P4HA1: variants seen among roughly 807,000 people sequenced by gnomAD.
P4HA1 encodes prolyl 4-hydroxylase subunit alpha-1.
A neutral mutation model predicts 72.8 loss-of-function variants in P4HA1; 24 were observed. The ratio of observed to expected loss-of-function variants is 0.33; its 90% CI spans 0.24 to 0.46. The LOEUF (loss-of-function observed/expected upper bound fraction) is 0.46. Among genes scored for constraint, P4HA1 ranks in the 20% least tolerant of loss-of-function variants. The pLI, the probability that P4HA1 is intolerant of heterozygous loss-of-function variation, is 1.00. For missense variants in P4HA1, 446 were observed against 640.6 expected (o/e 0.70, Z 3.28); for synonymous variants, 201 against 218.8 (o/e 0.92, Z 0.72).
At chr10:73,008,615 ATACAGG>A (rs1320161731) in intron 14 of P4HA1, among the ~76,000 whole-genome samples, 2 of 152,188 alleles carry the variant, frequency 1.3e-5, no homozygotes, top group African/African-American at 4.8e-5. Flanking sequence ...TGGACCTAAG[ATACAGG>A]TACAGGTAAG....
chr10:73,048,413 G>A (rs971402600), intron 7 of P4HA1, among the ~76,000 whole-genome samples: 4 of 152,046 alleles, frequency 2.6e-5, no homozygotes, highest in African/African-American at 9.7e-5. Context: ...ACAGGCCCCT[G>A]CCACCATGCT....
rs201625349 is a variant in P4HA1, at chr10:73,010,957, A to G, written c.1437+12T>C. On this transcript the variant is annotated intron_variant, in intron 13 of 14. Coordinates refer to ENST00000394890, the MANE Select transcript of P4HA1 (RefSeq NM_001017962.3). ...AAAATTAATAAACCAAAAACAAAAC[A>G]AACAGGCTTACTTTTTTGGGCCAAA... The G allele has an allele frequency of 3.0e-5, 48 of 1,608,330 alleles. No individual in the cohort carries two copies. Among genetic ancestry groups the G allele is most frequent in the Non-Finnish European group, 5.1e-6 (6 of 1,175,282 alleles).
chr10:73,063,129 T>C (rs1841347817), intron 5 of P4HA1, among the ~76,000 whole-genome samples: 1 of 152,196 alleles, frequency 6.6e-6, no homozygotes, highest in Non-Finnish European at 1.5e-5. Context: ...AGTGCATTTA[T>C]GCTCCCATAA....
At chr10:73,054,153 G>A (rs537921667) in intron 5 of P4HA1, among the ~76,000 whole-genome samples, 7 of 152,176 alleles carry the variant, frequency 4.6e-5, no homozygotes, top group Admixed American at 2.6e-4. Context: ...TGATCCACCC[G>A]CCTTGGCCTC....
chr10:73,036,489 C>T (rs941916386), intron 9 of P4HA1, among the ~76,000 whole-genome samples: 15 of 151,978 alleles, frequency 9.9e-5, no homozygotes, highest in African/African-American at 2.4e-4. Context: ...TTCTACCTCC[C>T]GGGCTCAAGC....
chr10:73,014,334 A>G (rs956976719), intron 11 of P4HA1, 45 bp from the exon 12 acceptor site: 1 of 1,346,292 alleles, frequency 7.4e-7, no homozygotes, highest in African/African-American at 1.4e-5. Context: ...AAAATTCAGT[A>G]ATACAAATAC....
intron 1 of P4HA1, among the ~76,000 whole-genome samples, chr10:73,089,816 C>G (rs1048137458): frequency 6.6e-6 from 1 of 150,816 alleles, no homozygotes; most frequent in African/African-American, 2.4e-5. Context: ...CCTAGGGATA[C>G]AGAGAGGGTA....
chr10:73,073,027 G>A (rs572333490), intron 3 of P4HA1, among the ~76,000 whole-genome samples: 8 of 151,754 alleles, frequency 5.3e-5, no homozygotes, highest in South Asian at 2.1e-4. Flanking sequence ...AAAATTACCC[G>A]GGCATGGTGG....
intron 14 of P4HA1, 115 bp downstream of exon 14, chr10:73,009,692 A>C: frequency 1.7e-6 from 1 of 572,378 alleles, no homozygotes; most frequent in Non-Finnish European, 3.1e-6. Flanking sequence ...AATCCTGTAC[A>C]ATGTTAAAAT....
chr10:73,059,424 TAAAAAAA>T (rs920360586), intron 5 of P4HA1, among the ~76,000 whole-genome samples: 4 of 24,150 alleles, frequency 1.7e-4, no homozygotes, highest in Non-Finnish European at 3.0e-4. Context: ...ACAATATATT[TAAAAAAA>T]AAAAAAAAAA....
At chr10:73,063,475 C>A (rs192315739) in intron 5 of P4HA1, among the ~76,000 whole-genome samples, 23 of 152,364 alleles carry the variant, frequency 1.5e-4, no homozygotes, top group Non-Finnish European at 2.5e-4. Context: ...AGTCCAACAA[C>A]AGCAGATGCT....
chr10:73,008,555 A>G (rs1839842625), intron 14 of P4HA1, among the ~76,000 whole-genome samples: 1 of 152,196 alleles, frequency 6.6e-6, no homozygotes, highest in African/African-American at 2.4e-5. Context: ...GTCTATGTGC[A>G]TTTCTTACAG....
chr10:73,056,965 CAGG>C (rs1841164698), intron 5 of P4HA1, among the ~76,000 whole-genome samples: 1 of 149,618 alleles, frequency 6.7e-6, no homozygotes, highest in Non-Finnish European at 1.5e-5. Flanking sequence ...GAGGCTGTGG[CAGG>C]AGAATGGTGT....
intron 10 of P4HA1, among the ~76,000 whole-genome samples, chr10:73,017,326 C>CATATAGATATGTAGATATGTACATATAG: frequency 6.6e-6 from 1 of 151,716 alleles, no homozygotes; most frequent in East Asian, 1.9e-4. Context: ...TCTATATCTA[C>CATATAGATATGTAGATATGTACATATAG]ATATGTACCC....
intron 1 of P4HA1, among the ~76,000 whole-genome samples, chr10:73,095,563 C>A (rs1842146911): frequency 1.3e-5 from 2 of 150,472 alleles, no homozygotes; most frequent in Admixed American, 6.6e-5. Flanking sequence ...GATGAAAGAA[C>A]GCTGCTGCCA....
At chr10:73,049,500 A>G (rs939482143) in intron 7 of P4HA1, among the ~76,000 whole-genome samples, 1 of 152,342 alleles carries the variant, frequency 6.6e-6, no homozygotes, top group Non-Finnish European at 1.5e-5. Flanking sequence ...CACAATGCAC[A>G]TTATCATAAA....
In P4HA1 at chr10:73,052,188, AG is replaced by A. The variant is rs200971704; in HGVS notation, c.704-940del. Among the ~76,000 whole-genome samples, 1,431 of 151,394 alleles carry A rather than the reference AG, an allele frequency of 9.5e-3. 27 individuals carry two copies. Among genetic ancestry groups the A allele is most frequent in the African/African-American group, 0.032 (1,333 of 41,330 alleles). On this transcript the variant is annotated intron_variant, in intron 6 of 14. Transcript: ENST00000394890. ...AAGATGACTACGCTACCCATCTGAG[AG>A]GAAAAAAAAAAAAAACTAAAGAACC...
chr10:73,093,876 AT>A (rs1392796008), intron 1 of P4HA1, among the ~76,000 whole-genome samples: 11 of 54,638 alleles, frequency 2.0e-4, no homozygotes, highest in African/African-American at 6.3e-4. Flanking sequence ...AAAAAAAAAT[AT>A]ATATATATAT....
At chr10:73,075,587 AT>A (rs1841679224) in intron 1 of P4HA1, among the ~76,000 whole-genome samples, 1 of 152,148 alleles carries the variant, frequency 6.6e-6, no homozygotes, top group African/African-American at 2.4e-5. Context: ...TCTCATAAAA[AT>A]GTACCAACTT....
Sources: allele counts gnomAD v4.1 joint callset (sites outside exome capture counted in the v4.1 genomes callset), GRCh38; gene constraint gnomAD v4.1.1; transcripts MANE v1.5; gene names NCBI Gene and HGNC (gene_info 2026-07-23, HGNC 2026-07-21).